The following NAV2 variants were observed in gnomAD, a reference collection of about 807,000 sequenced individuals.
NAV2 encodes neuron navigator 2.
A neutral mutation model predicts 223.2 loss-of-function variants in NAV2; 54 were observed. The ratio of observed to expected loss-of-function variants is 0.24; its 90% CI spans 0.19 to 0.30. The LOEUF is 0.30. NAV2 is among the 10% of genes least tolerant of loss of function. The probability of loss-of-function intolerance (pLI) is 1.00; values close to 1 mark genes in which losing one functional copy is unlikely to be tolerated. For missense variants in NAV2, 2,806 were observed against 3,147.5 expected (o/e 0.89, Z 2.60); for synonymous variants, 1,279 against 1,239.3 (o/e 1.03, Z -0.67).
intron 1 of NAV2, among the ~76,000 whole-genome samples, chr11:19,527,257 C>T (rs145212111): frequency 8.1e-4 from 124 of 152,230 alleles, no homozygotes; most frequent in African/African-American, 2.9e-3. Context: ...TCCCCTTTTG[C>T]GTGACTCTCA....
intron 1 of NAV2, among the ~76,000 whole-genome samples, chr11:19,620,490 G>A (rs2046957264): frequency 1.3e-5 from 2 of 152,058 alleles, no homozygotes; most frequent in Non-Finnish European, 2.9e-5. Flanking sequence ...CTTGTAAGTT[G>A]GATTCCTAGG....
chr11:19,857,895 C>T (rs917026630), intron 3 of NAV2, among the ~76,000 whole-genome samples: 1 of 152,146 alleles, frequency 6.6e-6, no homozygotes, highest in African/African-American at 2.4e-5. Context: ...TTCACTCTGT[C>T]GCCCAGGCTA....
intron 1 of NAV2, among the ~76,000 whole-genome samples, chr11:19,700,599 G>A (rs1441083844): frequency 6.6e-6 from 1 of 152,190 alleles, no homozygotes; most frequent in Non-Finnish European, 1.5e-5. Flanking sequence ...GAAGTGTGGG[G>A]TTGGGGACCC....
chr11:19,589,025 C>T (rs1394699752), intron 1 of NAV2, among the ~76,000 whole-genome samples: 2 of 152,200 alleles, frequency 1.3e-5, no homozygotes, highest in Admixed American at 1.3e-4. Flanking sequence ...CCCTGAGCAC[C>T]ATGACTCACC....
At chr11:20,113,844 TA>T (rs36006119) in intron 36 of NAV2, among the ~76,000 whole-genome samples, 10 of 151,196 alleles carry the variant, frequency 6.6e-5, no homozygotes, top group East Asian at 5.8e-4. Context: ...TCCCATCTCT[TA>T]AAAAAAAATG....
At chr11:19,607,970 C>A (rs1239464347) in intron 1 of NAV2, among the ~76,000 whole-genome samples, 1 of 152,180 alleles carries the variant, frequency 6.6e-6, no homozygotes, top group Admixed American at 6.5e-5. Context: ...TACTTTGATC[C>A]AGGGACTGTG....
chr11:19,503,863 CAA>C (rs1471245903), intron 1 of NAV2: 3 of 151,982 alleles, frequency 2.0e-5, no homozygotes, highest in Admixed American at 6.6e-5. Context: ...AAGACACTGT[CAA>C]GAGAATGAAA....
rs1367933003 is a variant in NAV2, at chr11:19,979,110, G to A, written c.2646-5015G>A. On this transcript the variant is annotated intron_variant, in intron 10 of 37. Transcript: ENST00000349880. Reference sequence around the variant, plus strand: ...ACAGGTCTGTCTTGACTGGAGGGATGGTGAGGACTACCCTTCAAGTCTGGC... The same window carrying A: ...ACAGGTCTGTCTTGACTGGAGGGATAGTGAGGACTACCCTTCAAGTCTGGC... 15 of 152,150 alleles carry A rather than the reference G, an allele frequency of 9.9e-5. 1 individual carries two copies. Among genetic ancestry groups the A allele is most frequent in the Admixed American group, 9.8e-4 (15 of 15,272 alleles). 9.4% of individuals were successfully genotyped at this position (152,150 alleles called of 1,614,324 possible). A position where few individuals can be genotyped will look rare whatever the true frequency, so the allele number is the denominator to read the frequency against.
At chr11:20,088,040 A>G (rs189877883) in intron 26 of NAV2, among the ~76,000 whole-genome samples, 40 of 152,310 alleles carry the variant, frequency 2.6e-4, no homozygotes, top group Non-Finnish European at 4.9e-4. Context: ...AGCCAAGCAG[A>G]GGTAACATGT....
At chr11:19,352,003 G>A (rs1355950169) in intron 1 of NAV2, among the ~76,000 whole-genome samples, 2 of 151,404 alleles carry the variant, frequency 1.3e-5, no homozygotes, top group African/African-American at 2.4e-5. Flanking sequence ...GTGTGTGTGT[G>A]TGTATGAAAA....
At chr11:19,663,528 C>T (rs1231399108) in intron 1 of NAV2, among the ~76,000 whole-genome samples, 1 of 152,180 alleles carries the variant, frequency 6.6e-6, no homozygotes, top group Non-Finnish European at 1.5e-5. Flanking sequence ...CCTGTGGTCC[C>T]CTGTCCCCGA....
chr11:19,762,491 G>A (rs1590361930), intron 1 of NAV2, among the ~76,000 whole-genome samples: 1 of 152,070 alleles, frequency 6.6e-6, no homozygotes, highest in African/African-American at 2.4e-5. Flanking sequence ...TGCTGTATTA[G>A]TTCTGGCCTC....
At chr11:20,085,081 C>T (rs1222308234) in intron 26 of NAV2, among the ~76,000 whole-genome samples, 2 of 151,744 alleles carry the variant, frequency 1.3e-5, no homozygotes, top group Admixed American at 1.3e-4. Context: ...GTAGTCCCAG[C>T]TACTTGGGAG....
chr11:19,350,373 G>A (rs1853242365), upstream of NAV2, among the ~76,000 whole-genome samples: 1 of 152,138 alleles, frequency 6.6e-6, no homozygotes, highest in Non-Finnish European at 1.5e-5. Flanking sequence ...TTCTCCTCAG[G>A]TATGGGTCTT....
At position 19,920,237 on chromosome 11, in the gene NAV2, A is replaced by G. The variant is rs940974778; in HGVS notation, c.932-12939A>G. On this transcript the variant is annotated intron_variant, in intron 6 of 37. Transcript: ENST00000349880. Reference sequence around the variant, plus strand: ...AATGTCTCTGAGCTGCAGTAAATCCACTGTATAAGATACTTGCATGAATTA... The same window carrying G: ...AATGTCTCTGAGCTGCAGTAAATCCGCTGTATAAGATACTTGCATGAATTA... Among the ~76,000 whole-genome samples, 43 of 152,228 alleles carry G rather than the reference A, an allele frequency of 2.8e-4. 1 individual carries two copies. Among genetic ancestry groups the G allele is most frequent in the Admixed American group, 4.6e-4 (7 of 15,288 alleles).
At chr11:19,695,801 G>A (rs1308517135) in intron 1 of NAV2, among the ~76,000 whole-genome samples, 1 of 151,834 alleles carries the variant, frequency 6.6e-6, no homozygotes, top group African/African-American at 2.4e-5. Flanking sequence ...CTCCTCAGGA[G>A]GCTGAGGCAG....
chr11:19,788,071 G>A (rs1241640274), intron 1 of NAV2, among the ~76,000 whole-genome samples: 2 of 152,162 alleles, frequency 1.3e-5, no homozygotes, highest in African/African-American at 4.8e-5. Context: ...GTAGAGCTAA[G>A]TAACCCCTCA....
chr11:19,583,825 G>A (rs188812272), intron 1 of NAV2, among the ~76,000 whole-genome samples: 3 of 152,248 alleles, frequency 2.0e-5, no homozygotes, highest in Admixed American at 6.5e-5. Context: ...CAGGGATATT[G>A]GTCTAAAATT....
chr11:19,556,975 A>G (rs1366040040), intron 1 of NAV2, among the ~76,000 whole-genome samples: 3 of 152,236 alleles, frequency 2.0e-5, no homozygotes, highest in African/African-American at 4.8e-5. Flanking sequence ...AAATCTCTGT[A>G]TCAGAGTTTT....
Sources: gnomAD v4.1 joint callset for allele counts (sites outside exome capture counted in the v4.1 genomes callset) on GRCh38, gnomAD v4.1.1 for gene constraint, MANE v1.5 for transcripts, NCBI Gene and HGNC (gene_info 2026-07-23, HGNC 2026-07-21) for gene names.